The following SEMA6D variants were observed in gnomAD, a reference collection of about 807,000 sequenced individuals.
SEMA6D encodes the protein semaphorin-6D.
SEMA6D carries 35 observed loss-of-function variants against 106.6 expected under a neutral mutation model. That is an observed-to-expected ratio of 0.33 (90% CI 0.25 to 0.44). The LOEUF is 0.44. Ranked by LOEUF, SEMA6D falls within the 20% of genes least tolerant of loss-of-function variation. SEMA6D has a pLI of 1.00. For synonymous variants in SEMA6D, 499 were observed against 487.7 expected (o/e 1.02, Z -0.31); for missense variants, 1,185 against 1,345.9 (o/e 0.88, Z 1.87).
At chr15:47,594,058 G>A (rs771438742) in intron 3 of SEMA6D, among the ~76,000 whole-genome samples, 1 of 152,212 alleles carries the variant, frequency 6.6e-6, no homozygotes, top group Non-Finnish European at 1.5e-5. Context: ...AATGCCTGAG[G>A]CAATTTTAAT....
rs1027171756 is a variant in SEMA6D, at chr15:47,309,842, A to G, written c.-238-102551A>G. On this transcript the variant is annotated intron_variant, in intron 1 of 19. Coordinates refer to the SEMA6D transcript ENST00000558014. ...GACTACTGTACTGAATGGGAAAACA[A>G]TGGTTGGATGAGTACTCAAAGTATG... Among the ~76,000 whole-genome samples, 8 of 152,202 alleles carry G rather than the reference A, an allele frequency of 5.3e-5. No homozygotes were observed. The East Asian group carries it at 5.8e-4, about 11-fold the overall frequency.
At chr15:47,337,886 A>G (rs2037633717) in intron 1 of SEMA6D, among the ~76,000 whole-genome samples, 1 of 152,086 alleles carries the variant, frequency 6.6e-6, no homozygotes, top group Non-Finnish European at 1.5e-5. Context: ...GACTATATAT[A>G]TTTTTCTTTA....
intron 4 of SEMA6D, among the ~76,000 whole-genome samples, chr15:47,622,709 A>G (rs2077129545): frequency 6.6e-6 from 1 of 152,176 alleles, no homozygotes; most frequent in Admixed American, 6.5e-5. Flanking sequence ...TCCTAGCTCA[A>G]GCATGATCCC....
At position 47,395,893 on chromosome 15, in the gene SEMA6D, T is replaced by C. The variant is rs116095395; in HGVS notation, c.-238-16500T>C. ...ATGGAGCTGTTGTAGATTGCATGTT[T>C]GCATCCCTCCAGAATTCATATGTCA... On this transcript the variant is annotated intron_variant, in intron 1 of 19. Transcript: ENST00000558014. Among the ~76,000 whole-genome samples the C allele has an allele frequency of 4.0e-3, 610 of 152,334 alleles. 7 individuals carry two copies. Among genetic ancestry groups the C allele is most frequent in the African/African-American group, 0.014 (583 of 41,586 alleles).
intron 1 of SEMA6D, among the ~76,000 whole-genome samples, chr15:47,251,247 A>G (rs189502477): frequency 4.6e-5 from 7 of 152,306 alleles, no homozygotes; most frequent in African/African-American, 1.7e-4. Context: ...TGATATTCCT[A>G]ACATGAAGGT....
intron 1 of SEMA6D, among the ~76,000 whole-genome samples, chr15:47,300,167 C>T (rs1388855873): frequency 6.6e-6 from 1 of 152,196 alleles, no homozygotes; most frequent in Admixed American, 6.5e-5. Flanking sequence ...CGCAGCTCAG[C>T]TGCTGTGCTT....
chr15:47,282,778 T>A (rs565284226), intron 1 of SEMA6D, among the ~76,000 whole-genome samples: 2 of 152,176 alleles, frequency 1.3e-5, no homozygotes, highest in Non-Finnish European at 2.9e-5. Context: ...GCCTTGTCTG[T>A]GTCTTTCCTT....
chr15:47,642,915 G>A (rs1045403483), intron 4 of SEMA6D, among the ~76,000 whole-genome samples: 18 of 151,982 alleles, frequency 1.2e-4, no homozygotes, highest in African/African-American at 2.9e-4. Context: ...AAGGAAATGC[G>A]GGAAGGGATA....
At chr15:47,406,623 G>A (rs2040577676) in intron 1 of SEMA6D, among the ~76,000 whole-genome samples, 1 of 152,006 alleles carries the variant, frequency 6.6e-6, no homozygotes, top group South Asian at 2.1e-4. Context: ...TGGAGAGTAG[G>A]GAAACGGGGA....
chr15:47,390,132 G>A (rs1432380927), intron 1 of SEMA6D, among the ~76,000 whole-genome samples: 1 of 152,100 alleles, frequency 6.6e-6, no homozygotes, highest in Non-Finnish European at 1.5e-5. Flanking sequence ...GAAATCAGTT[G>A]GAAGGGGCTG....
At chr15:47,369,033 A>G (rs2039169833) in intron 1 of SEMA6D, among the ~76,000 whole-genome samples, 1 of 152,224 alleles carries the variant, frequency 6.6e-6, no homozygotes, top group Admixed American at 6.5e-5. Context: ...GAGCAAAATA[A>G]GCCAGATAAC....
intron 2 of SEMA6D, among the ~76,000 whole-genome samples, chr15:47,464,704 C>T (rs961502688): frequency 6.6e-6 from 1 of 152,132 alleles, no homozygotes; most frequent in Non-Finnish European, 1.5e-5. Flanking sequence ...AACCACCCTG[C>T]ACCCTTGTCA....
At position 47,727,529 on chromosome 15, in the gene SEMA6D, C is replaced by T. The variant is rs572347014; in HGVS notation, c.-55+9837C>T. 3.3e-5 allele frequency among the ~76,000 whole-genome samples: 5 copies of T among 152,294 alleles called. No individual in the cohort carries two copies. The South Asian group carries it at 1.0e-3, about 32-fold the overall frequency. ...GACCTCAGGGCTACTGTTGGCAGGC[C>T]ACTCAGTAGTAGATCTAAGACCTCT... On this transcript the variant is annotated intron_variant, in intron 1 of 18. Transcript: ENST00000536845.
chr15:47,227,085 G>A (rs2031731290), intron 1 of SEMA6D, among the ~76,000 whole-genome samples: 1 of 152,038 alleles, frequency 6.6e-6, no homozygotes, highest in African/African-American at 2.4e-5. Context: ...AAAGCAAAGT[G>A]ATCAGGAGCT....
intron 1 of SEMA6D, among the ~76,000 whole-genome samples, chr15:47,735,347 C>G (rs1243649384): frequency 6.6e-6 from 1 of 152,122 alleles, no homozygotes; most frequent in Non-Finnish European, 1.5e-5. Flanking sequence ...CTCCAAGATG[C>G]AAGAAAGAGG....
At chr15:47,717,736 G>A (rs2079166827) in intron 1 of SEMA6D, 44 bp downstream of exon 1, 1 of 144,980 alleles carries the variant, frequency 6.9e-6, no homozygotes, top group African/African-American at 2.7e-5. Flanking sequence ...TGTGGCGCCC[G>A]GTGGGGGTCG....
At chr15:47,609,694 A>G (rs749397932) in intron 4 of SEMA6D, among the ~76,000 whole-genome samples, 1 of 152,180 alleles carries the variant, frequency 6.6e-6, no homozygotes, top group Non-Finnish European at 1.5e-5. Context: ...CCGTAACCCA[A>G]TTAACCTGGA....
intron 3 of SEMA6D, among the ~76,000 whole-genome samples, chr15:47,486,662 G>A (rs945627446): frequency 1.3e-5 from 2 of 152,170 alleles, no homozygotes; most frequent in African/African-American, 4.8e-5. Context: ...CAAAGACATG[G>A]GAGAGCATAC....
intron 2 of SEMA6D, among the ~76,000 whole-genome samples, chr15:47,448,050 C>T (rs542301301): frequency 6.6e-6 from 1 of 152,200 alleles, no homozygotes; most frequent in South Asian, 2.1e-4. Context: ...AGAAATCCAC[C>T]CAATTACAAC....
Sources: allele counts gnomAD v4.1 joint callset (sites outside exome capture counted in the v4.1 genomes callset), GRCh38; gene constraint gnomAD v4.1.1; transcripts MANE v1.5; gene names NCBI Gene and HGNC (gene_info 2026-07-23, HGNC 2026-07-21).